Variants in TAF3 observed in about 807,000 individuals in gnomAD.
TAF3 encodes the protein transcription initiation factor TFIID subunit 3.
In TAF3, 7 loss-of-function variants were observed where a neutral mutation model predicts 80.6. The observed-to-expected ratio is 0.09, with a 90% CI of 0.05 to 0.16. The LOEUF is 0.16. Among genes scored for constraint, TAF3 ranks in the 10% least tolerant of loss-of-function variants. The probability of loss-of-function intolerance (pLI) is 1.00; values close to 1 mark genes in which losing one functional copy is unlikely to be tolerated. For missense variants in TAF3, 921 were observed against 1,140.2 expected (o/e 0.81, Z 2.77); for synonymous variants, 444 against 446.1 (o/e 1.00, Z 0.06).
intron 2 of TAF3, among the ~76,000 whole-genome samples, chr10:7,940,262 T>C (rs1350338385): frequency 6.6e-6 from 1 of 152,206 alleles, no homozygotes; most frequent in Non-Finnish European, 1.5e-5. Context: ...TCTGAAAACA[T>C]TTACTTCCCA....
In TAF3 at chr10:7,944,093, TTGTGTGTGTGTG is replaced by T. The variant is rs35219363; in HGVS notation, c.410-19795_410-19784del. Among the ~76,000 whole-genome samples, 45 of 137,176 alleles carry T rather than the reference TTGTGTGTGTGTG, an allele frequency of 3.3e-4. 1 individual carries two copies. Among genetic ancestry groups the T allele is most frequent in the East Asian group, 8.6e-4 (4 of 4,636 alleles). The allele number at this position is 137,176 out of a possible 152,430, so 90.0% of individuals were successfully genotyped here. On this transcript the variant is annotated intron_variant, in intron 2 of 6. Coordinates refer to ENST00000344293, the MANE Select transcript of TAF3 (RefSeq NM_031923.4). ...CACTGATTTTTTAAAATGTTCATGC[TTGTGTGTGTGTG>T]TGTGTGTGTGTGTGTGTGTGTGTGT...
chr10:7,988,959 AT>A (rs1332193136), intron 4 of TAF3, among the ~76,000 whole-genome samples: 1 of 152,126 alleles, frequency 6.6e-6, no homozygotes, highest in Non-Finnish European at 1.5e-5. Context: ...TGTAAAAAAA[AT>A]GTGTGTCCTA....
chr10:7,929,848 G>C (rs1588555727), intron 2 of TAF3, among the ~76,000 whole-genome samples: 1 of 152,084 alleles, frequency 6.6e-6, no homozygotes, highest in East Asian at 1.9e-4. Flanking sequence ...GGCATGACAA[G>C]AAAAGAGAAC....
rs12243636 is a variant in TAF3 at position 7,873,382 on chromosome 10, G to A, written c.409+48822G>A. ...GACTTAGGAAAGCAGGTAATTTAAT[G>A]TTTACTTAGTGATTTACTTTGACAA... On this transcript the variant is annotated intron_variant, in intron 2 of 6. Coordinates refer to ENST00000344293, the MANE Select transcript of TAF3 (RefSeq NM_031923.4). Among the ~76,000 whole-genome samples the A allele has an allele frequency of 3.2e-3, 489 of 152,260 alleles. 3 individuals carry two copies. Among genetic ancestry groups the A allele is most frequent in the African/African-American group, 0.011 (463 of 41,546 alleles).
chr10:7,840,356 G>T (rs1000896621), intron 2 of TAF3, among the ~76,000 whole-genome samples: 3 of 151,910 alleles, frequency 2.0e-5, no homozygotes, highest in Non-Finnish European at 4.4e-5. Context: ...GTTTCACCGT[G>T]TTAGCCAGGA....
At chr10:7,850,682 A>T (rs572971501) in intron 2 of TAF3, among the ~76,000 whole-genome samples, 1,133 of 106,898 alleles carry the variant, frequency 0.011, 16 homozygotes, top group African/African-American at 0.017. Context: ...CTCAAAAAAA[A>T]AAAAATATAT....
chr10:7,827,576 T>G (rs1231143929), intron 2 of TAF3, among the ~76,000 whole-genome samples: 1 of 151,936 alleles, frequency 6.6e-6, no homozygotes, highest in Non-Finnish European at 1.5e-5. Context: ...GGTCAGGAGA[T>G]CGAGACCATC....
At chr10:7,875,838 TTC>T (rs1184399505) in intron 2 of TAF3, among the ~76,000 whole-genome samples, 2 of 152,208 alleles carry the variant, frequency 1.3e-5, no homozygotes, top group Non-Finnish European at 2.9e-5. Context: ...AACATTTTAA[TTC>T]TGTTTTAATC....
chr10:7,954,465 A>G (rs1026957887), intron 2 of TAF3, among the ~76,000 whole-genome samples: 7 of 118,224 alleles, frequency 5.9e-5, no homozygotes, highest in African/African-American at 1.2e-4. Context: ...AGGTGAATGA[A>G]TGAATTAGTC....
chr10:7,913,764 A>G (rs1019646765), intron 2 of TAF3, among the ~76,000 whole-genome samples: 6 of 152,248 alleles, frequency 3.9e-5, no homozygotes, highest in African/African-American at 1.4e-4. Flanking sequence ...TTAGGGATAC[A>G]GTAAGAGGTA....
At position 7,949,596 on chromosome 10, in the gene TAF3, G is replaced by A. The variant is rs139729137; in HGVS notation, c.410-14324G>A. ...CTTCATTTTACATAGAAGGAACACA[G>A]TAAGAATTTAATAGTAACTTGAAAC... On this transcript the variant is annotated intron_variant, in intron 2 of 6. Transcript: ENST00000344293. 2.6e-4 allele frequency among the ~76,000 whole-genome samples: 40 copies of A among 152,312 alleles called. 1 individual carries two copies. In the East Asian group the frequency reaches 7.5e-3, roughly 29 times the overall value.
chr10:7,818,643 G>T lies in TAF3; in HGVS notation c.-67G>T, dbSNP rs1836655599. On this transcript the variant is annotated 5_prime_UTR_variant, in exon 1 of 7. Coordinates refer to ENST00000344293, the MANE Select transcript of TAF3 (RefSeq NM_031923.4). ...CCCTAGAGGATGAATCGGGGACCCT[G>T]CTAAGGTCTGGCGGCGGGGCTGGAG... 1.3e-6 allele frequency: 2 copies of T among 1,550,744 alleles called. No homozygotes were observed. The highest frequency in any genetic ancestry group is 2.0e-5 in the Admixed American group (1 of 49,942).
At chr10:7,997,784 G>C in intron 4 of TAF3, among the ~76,000 whole-genome samples, 1 of 152,048 alleles carries the variant, frequency 6.6e-6, no homozygotes, top group East Asian at 1.9e-4. Flanking sequence ...TTAAACAGGA[G>C]AGAAAAAGGG....
At chr10:7,837,609 C>T (rs1353911200) in intron 2 of TAF3, among the ~76,000 whole-genome samples, 1 of 152,166 alleles carries the variant, frequency 6.6e-6, no homozygotes, top group Non-Finnish European at 1.5e-5. Flanking sequence ...CACCAGTGTA[C>T]TCCAGCCTGG....
At chr10:7,915,821 A>G (rs1837706801) in intron 2 of TAF3, among the ~76,000 whole-genome samples, 1 of 151,244 alleles carries the variant, frequency 6.6e-6, no homozygotes, top group South Asian at 2.1e-4. Flanking sequence ...TCTACTAAAA[A>G]TACAAAAATT....
intron 2 of TAF3, among the ~76,000 whole-genome samples, chr10:7,843,447 A>G (rs1193804484): frequency 6.6e-6 from 1 of 152,028 alleles, no homozygotes; most frequent in East Asian, 1.9e-4. Flanking sequence ...GTCTTCCATC[A>G]TTTTTTGATC....
rs1470780342 is a variant in TAF3 at position 7,964,172 on chromosome 10, C to G, written c.662C>G (p.Thr221Ser). ...CGAGAGCCACTCAGCTCAATAAATACTCAAAAGATCCCACCAATGCTTTCT... is the reference window on the plus strand; with the variant it reads ...CGAGAGCCACTCAGCTCAATAAATAGTCAAAAGATCCCACCAATGCTTTCT... ...EAREPLSSIN[T>S]QKIPPMLSPV... Residue 221 changes from threonine to serine, a missense_variant, in exon 3 of 7, where the codon ACT becomes AGT. Transcript: ENST00000344293. This position sits in a 1 kb window ranked among gnomAD's most constrained non-coding sequence, Gnocchi z 4.1. 1 of 1,614,202 alleles carries G rather than the reference C, an allele frequency of 6.2e-7. No individual in the cohort carries two copies. The highest frequency in any genetic ancestry group is 8.5e-7 in the Non-Finnish European group (1 of 1,180,036).
chr10:8,006,612 CAAAT>C (rs1831996543), intron 4 of TAF3, among the ~76,000 whole-genome samples: 2 of 152,212 alleles, frequency 1.3e-5, no homozygotes, highest in Non-Finnish European at 2.9e-5. Context: ...TTGCAGGAAA[CAAAT>C]AGAGAACAAT....
Position 7,871,435 on chromosome 10 carries a change from C to CTTTTTTTTTTTTTTTTTTTTTTTTTT in TAF3, c.409+46900_409+46901insTTTTTTTTTTTTTTTTTTTTTTTTTT, listed in dbSNP as rs527356726. Among the ~76,000 whole-genome samples the CTTTTTTTTTTTTTTTTTTTTTTTTTT allele has an allele frequency of 3.1e-3, 214 of 69,102 alleles. 26 individuals carry two copies. The highest frequency in any genetic ancestry group is 4.6e-3 in the Non-Finnish European group (159 of 34,640). 45.3% of individuals were successfully genotyped at this position (69,102 alleles called of 152,430 possible). On this transcript the variant is annotated intron_variant, in intron 2 of 6. Transcript: ENST00000344293. Reference sequence around the variant, plus strand: ...CTAAATTGATGACAAATAACTGCTGCTTTTTTTTTTTTTTTTTTTTTTTTT... The same window carrying CTTTTTTTTTTTTTTTTTTTTTTTTTT: ...CTAAATTGATGACAAATAACTGCTGCTTTTTTTTTTTTTTTTTTTTTTTTTTTTTTTTTTTTTTTTTTTTTTTTTTT...
Sources: allele counts gnomAD v4.1 joint callset (sites outside exome capture counted in the v4.1 genomes callset), GRCh38; gene constraint gnomAD v4.1.1; non-coding constraint Gnocchi (gnomAD v3.1); transcripts MANE v1.5; gene names NCBI Gene and HGNC (gene_info 2026-07-23, HGNC 2026-07-21).